ELAPOR2: variants seen among roughly 807,000 people sequenced by gnomAD.
ELAPOR2 encodes endosome-lysosome associated apoptosis and autophagy regulator family member 2.
In ELAPOR2, 89 loss-of-function variants were observed where a neutral mutation model predicts 120.7. The observed-to-expected ratio is 0.74, with a 90% confidence interval of 0.62 to 0.88. The LOEUF is 0.88. ELAPOR2 is among the 40% of genes least tolerant of loss of function. ELAPOR2 has a pLI of 0.00. For missense variants in ELAPOR2, 1,134 were observed against 1,251.6 expected (o/e 0.91, Z 1.42); for synonymous variants, 444 against 444.9 (o/e 1.00, Z 0.03).
At chr7:87,002,538 C>T (rs905290245) in intron 1 of ELAPOR2, among the ~76,000 whole-genome samples, 3 of 152,064 alleles carry the variant, frequency 2.0e-5, no homozygotes, top group Non-Finnish European at 2.9e-5. Flanking sequence ...TGCTACCAGG[C>T]ATCATTTCCT....
At chr7:87,038,019 T>G (rs1006483775) in intron 1 of ELAPOR2, among the ~76,000 whole-genome samples, 17 of 152,256 alleles carry the variant, frequency 1.1e-4, no homozygotes, top group Middle Eastern at 3.4e-3. Flanking sequence ...ATCCTATAAT[T>G]TTTTCCTGTG....
chr7:86,930,026 A>G (rs567190515), intron 8 of ELAPOR2, among the ~76,000 whole-genome samples: 1 of 152,100 alleles, frequency 6.6e-6, no homozygotes, highest in East Asian at 1.9e-4. Flanking sequence ...ATCTGGTCTC[A>G]GGTACTTCTT....
intron 8 of ELAPOR2, among the ~76,000 whole-genome samples, chr7:86,934,238 G>A (rs978368641): frequency 6.6e-6 from 1 of 151,736 alleles, no homozygotes; most frequent in Non-Finnish European, 1.5e-5. Flanking sequence ...ACCTAAGCAT[G>A]GGCCAAGAAT....
chr7:86,973,416 T>A (rs938924545), intron 1 of ELAPOR2, among the ~76,000 whole-genome samples: 2 of 152,134 alleles, frequency 1.3e-5, no homozygotes, highest in African/African-American at 4.8e-5. Context: ...GCCCACATCT[T>A]GAAATAGCAT....
At chr7:86,926,688 A>G (rs981825799) in intron 9 of ELAPOR2, 48 bp downstream of exon 9, 12 of 1,514,268 alleles carry the variant, frequency 7.9e-6, no homozygotes, top group Non-Finnish European at 1.1e-5. Context: ...GTAGTCCAAC[A>G]AGATCATTTT....
chr7:87,034,401 T>C (rs1430984013), intron 1 of ELAPOR2, among the ~76,000 whole-genome samples: 6 of 152,118 alleles, frequency 3.9e-5, no homozygotes, highest in Non-Finnish European at 5.9e-5. Context: ...GCTTATTTAG[T>C]GAGATTATGG....
chr7:86,966,496 G>C (rs1183053686), intron 1 of ELAPOR2, among the ~76,000 whole-genome samples: 1 of 149,114 alleles, frequency 6.7e-6, no homozygotes, highest in South Asian at 2.1e-4. Context: ...TCTACCAACA[G>C]TCTGTTCAAG....
intron 1 of ELAPOR2, among the ~76,000 whole-genome samples, chr7:87,057,387 C>T (rs1795296325): frequency 6.6e-6 from 1 of 152,238 alleles, no homozygotes; most frequent in African/African-American, 2.4e-5. Flanking sequence ...GCCTCTTCTA[C>T]TTCCAAGAAC....
At chr7:87,043,489 A>C (rs1269869695) in intron 1 of ELAPOR2, among the ~76,000 whole-genome samples, 3 of 151,714 alleles carry the variant, frequency 2.0e-5, no homozygotes, top group Non-Finnish European at 2.9e-5. Flanking sequence ...TCCAGCATAT[A>C]AACAGAGCCA....
chr7:86,907,022 G>A (rs1291695097), intron 18 of ELAPOR2, among the ~76,000 whole-genome samples: 2 of 152,080 alleles, frequency 1.3e-5, no homozygotes, highest in Non-Finnish European at 2.9e-5. Context: ...ACAATTCTGA[G>A]CCTACAAAAT....
Position 86,938,711 on chromosome 7 carries a change from A to G in ELAPOR2, c.1000+97T>C, listed in dbSNP as rs11978410. On this transcript the variant is annotated intron_variant, in intron 7 of 21. Coordinates refer to ENST00000450689, the MANE Select transcript of ELAPOR2 (RefSeq NM_001142749.3). ...CTCCAGCACTTTGGTTTCAGGCACC[A>G]CTGCTGTCATACTTTATGGGTGACT... The G allele has an allele frequency of 4.8e-3, 6,102 of 1,270,990 alleles. 216 individuals carry two copies. The African/African-American group carries it at 0.081, about 17-fold the overall frequency. The allele number at this position is 1,270,990 out of a possible 1,614,324, so 78.7% of individuals were successfully genotyped here.
At chr7:86,917,602 A>T (rs1206520405) in intron 12 of ELAPOR2, among the ~76,000 whole-genome samples, 1 of 152,168 alleles carries the variant, frequency 6.6e-6, no homozygotes, top group Non-Finnish European at 1.5e-5. Context: ...TTGAAGACTT[A>T]CGGGTTATTT....
At chr7:86,943,969 G>C (rs1790901539) in intron 4 of ELAPOR2, among the ~76,000 whole-genome samples, 1 of 152,030 alleles carries the variant, frequency 6.6e-6, no homozygotes, top group South Asian at 2.1e-4. Context: ...GTTGGAACTA[G>C]AGCCAGAATC....
chr7:87,040,870 A>C (rs905641476), intron 1 of ELAPOR2, among the ~76,000 whole-genome samples: 5 of 152,050 alleles, frequency 3.3e-5, no homozygotes, highest in Non-Finnish European at 5.9e-5. Flanking sequence ...TTTGAAAAAA[A>C]TTTAGAAGAA....
intron 4 of ELAPOR2, among the ~76,000 whole-genome samples, chr7:86,944,581 TA>T (rs1367134015): frequency 6.6e-6 from 1 of 152,116 alleles, no homozygotes; most frequent in African/African-American, 2.4e-5. Context: ...AAAAGTAATG[TA>T]AACATGAATC....
At position 86,897,770 on chromosome 7, in the gene ELAPOR2, T is replaced by C. The variant is rs1017830402; in HGVS notation, c.2559-138A>G. The C allele has an allele frequency of 3.3e-6, 3 of 904,626 alleles. No individual in the cohort carries two copies. The African/African-American group carries it at 5.1e-5, about 15-fold the overall frequency. The allele number at this position is 904,626 out of a possible 1,614,324, so 56.0% of individuals were successfully genotyped here. On this transcript the variant is annotated intron_variant, in intron 18 of 21. Transcript: ENST00000450689. ...CTGAAGAAACACAAGTGGAAAAAAG[T>C]CTAAAAGACACAAACCACTATGAGA...
chr7:86,923,074 T>C (rs1225243852), intron 10 of ELAPOR2, among the ~76,000 whole-genome samples: 1 of 152,008 alleles, frequency 6.6e-6, no homozygotes, highest in Non-Finnish European at 1.5e-5. Flanking sequence ...TAGATTTTAC[T>C]ATATAATCTA....
At chr7:86,906,110 C>T (rs1788999749) in intron 18 of ELAPOR2, among the ~76,000 whole-genome samples, 1 of 152,108 alleles carries the variant, frequency 6.6e-6, no homozygotes, top group Admixed American at 6.6e-5. Context: ...CCAGAGACTA[C>T]AGGTTAATTG....
At chr7:86,912,833 A>G in intron 14 of ELAPOR2, 108 bp downstream of exon 14, 7 of 1,309,226 alleles carry the variant, frequency 5.3e-6, no homozygotes, top group African/African-American at 1.5e-5. Context: ...GTCTTATTTC[A>G]GAATAAATAG....
Sources: gnomAD v4.1 joint callset for allele counts (sites outside exome capture counted in the v4.1 genomes callset) on GRCh38, gnomAD v4.1.1 for gene constraint, MANE v1.5 for transcripts, NCBI Gene and HGNC (gene_info 2026-07-23, HGNC 2026-07-21) for gene names.